ZW10: variants seen among roughly 807,000 people sequenced by gnomAD.
ZW10 encodes the protein zw10 kinetochore protein.
ZW10 carries 53 observed loss-of-function variants against 87.8 expected under a neutral mutation model. That is an observed-to-expected ratio of 0.60 (90% CI 0.48 to 0.76). The LOEUF (loss-of-function observed/expected upper bound fraction) is 0.76, where lower values mean the gene tolerates loss of function less well. Among genes scored for constraint, ZW10 ranks in the 30% least tolerant of loss-of-function variants. ZW10 has a pLI of 0.00. For synonymous variants in ZW10, 312 were observed against 329.2 expected, an observed-to-expected ratio of 0.95 and a Z score of 0.57; for missense variants, 837 against 923.0, an observed-to-expected ratio of 0.91 and a Z score of 1.21.
intron 10 of ZW10, 78 bp from the exon 11 acceptor site, chr11:113,741,843 C>T (rs1468290893): frequency 1.0e-6 from 1 of 955,570 alleles, no homozygotes; most frequent in Non-Finnish European, 1.6e-6. Context: ...CTAAGTGCAT[C>T]TTCAGTGAGA....
At chr11:113,769,605 C>T (rs1953942802) in intron 1 of ZW10, 1 of 220,402 alleles carries the variant, frequency 4.5e-6, no homozygotes, top group African/African-American at 2.4e-5. Context: ...ATTATGGGTC[C>T]TTCTCTGGGG....
chr11:113,743,887 T>G lies in ZW10; in HGVS notation c.1426A>C (p.Thr476Pro). The change falls in exon 10 of 16, where the codon ACA becomes CCA. Residue 476 changes from threonine to proline, a missense_variant. Transcript: ENST00000200135. ...TLDQHSFSLP[T>P]CRISESVKKL... Reference sequence around the variant, plus strand: ...TTCACAGACTCACTGATACGGCATGTGGGCAAGGAAAAGGAATGTTGGTCC... The same window carrying G: ...TTCACAGACTCACTGATACGGCATGGGGGCAAGGAAAAGGAATGTTGGTCC... 1.2e-6 allele frequency: 2 copies of G among 1,614,170 alleles called. No homozygotes were observed. The highest frequency in any genetic ancestry group is 2.2e-5 in the East Asian group (1 of 44,872).
chr11:113,736,476 GA>G, intron 15 of ZW10, 143 bp downstream of exon 15: 2 of 750,080 alleles, frequency 2.7e-6, no homozygotes, highest in Non-Finnish European at 4.5e-6. Context: ...GATAGATCAT[GA>G]AAAGGCCCCA....
intron 1 of ZW10, 94 bp downstream of exon 1, chr11:113,773,468 C>T: frequency 9.5e-7 from 1 of 1,057,134 alleles, no homozygotes; most frequent in South Asian, 1.4e-5. Flanking sequence ...GGTCCCCACT[C>T]TGTCTGCCCT....
rs757829146 is a variant in ZW10 at position 113,741,778 on chromosome 11, CAT to C, written c.1512-15_1512-14del. ...AAGTTGAACAGCACTAAAAAGAAAA[CAT>C]AGACTTAACAGAAATGCCTAAGAAT... On this transcript the variant is annotated splice_polypyrimidine_tract_variant and intron_variant, in intron 10 of 15. Transcript: ENST00000200135. 3.8e-6 allele frequency: 6 copies of C among 1,585,884 alleles called. No individual in the cohort carries two copies. The highest frequency in any genetic ancestry group is 1.8e-5 in the Admixed American group (1 of 56,186).
rs1458969239 is a variant in ZW10, at chr11:113,768,926, G to A, written c.147C>T (p.Phe49=). The part of the protein sequence containing the change: ...CNMISKKYSE[F]LPSMQSAQGL... ...CCTGCGCGCTCTGCATGCTAGGCAG[G>A]AATTCACTGTACTTCTTGCTAATCA... Residue 49 remains phenylalanine (F), a synonymous_variant, in exon 2 of 16, where the codon TTC becomes TTT. Coordinates refer to ENST00000200135, the MANE Select transcript of ZW10 (RefSeq NM_004724.4). 2 of 1,614,104 alleles carry A rather than the reference G, an allele frequency of 1.2e-6. No homozygotes were observed. The highest frequency in any genetic ancestry group is 8.5e-7 in the Non-Finnish European group (1 of 1,180,004).
At chr11:113,757,105 C>T (rs1459260442) in intron 7 of ZW10, among the ~76,000 whole-genome samples, 1 of 143,890 alleles carries the variant, frequency 6.9e-6, no homozygotes, top group Non-Finnish European at 1.5e-5. Context: ...ATCAAATAGA[C>T]TTAAAAAAAA....
intron 7 of ZW10, among the ~76,000 whole-genome samples, chr11:113,750,308 CTTT>C (rs111295027): frequency 6.9e-6 from 1 of 144,744 alleles, no homozygotes; most frequent in African/African-American, 2.5e-5. Context: ...CATTTTTTTT[CTTT>C]TTTTTTTTTG....
At chr11:113,772,193 G>T (rs1953974237) in intron 1 of ZW10, among the ~76,000 whole-genome samples, 1 of 152,202 alleles carries the variant, frequency 6.6e-6, no homozygotes, top group Admixed American at 6.5e-5. Flanking sequence ...TCAATTGGCT[G>T]AAGATTCAAG....
At chr11:113,746,857 G>T (rs1304404630) in intron 9 of ZW10, among the ~76,000 whole-genome samples, 1 of 152,116 alleles carries the variant, frequency 6.6e-6, no homozygotes, top group Non-Finnish European at 1.5e-5. Flanking sequence ...AGAGGCAATA[G>T]GAGGCAGATC....
intron 10 of ZW10, 141 bp downstream of exon 10, chr11:113,743,651 TTTTTGTTTTG>T (rs572653289): frequency 1.5e-6 from 1 of 687,998 alleles, no homozygotes; most frequent in Non-Finnish European, 2.5e-6. Context: ...ATGCACTGGG[TTTTTGTTTTG>T]TTTTGTTTTG....
chr11:113,752,361 C>T (rs1953742481), intron 7 of ZW10, among the ~76,000 whole-genome samples: 1 of 152,220 alleles, frequency 6.6e-6, no homozygotes, highest in South Asian at 2.1e-4. Flanking sequence ...TACGTTGAAG[C>T]CCTAGCCCCC....
intron 7 of ZW10, chr11:113,751,122 C>A: frequency 4.7e-6 from 1 of 211,570 alleles, no homozygotes; most frequent in South Asian, 8.5e-5. Flanking sequence ...TCACTTAGTC[C>A]AACTTAATGA....
At chr11:113,758,972 A>G (rs1953829086) in intron 5 of ZW10, among the ~76,000 whole-genome samples, 1 of 152,148 alleles carries the variant, frequency 6.6e-6, no homozygotes, top group African/African-American at 2.4e-5. Context: ...CCAGGAGTTC[A>G]AGACCAGCCT....
At chr11:113,758,960 G>T (rs1472447424) in intron 5 of ZW10, among the ~76,000 whole-genome samples, 1 of 152,088 alleles carries the variant, frequency 6.6e-6, no homozygotes, top group African/African-American at 2.4e-5. Context: ...GATCACTTGA[G>T]CCCAGGAGTT....
Position 113,749,191 on chromosome 11 carries a change from C to T in ZW10, c.926-771G>A, listed in dbSNP as rs573349144. Among the ~76,000 whole-genome samples the T allele has an allele frequency of 4.6e-5, 7 of 152,194 alleles. No homozygotes were observed. In the South Asian group the frequency reaches 1.2e-3, roughly 27 times the overall value. ...TCAAGTCTCTTTAAACACAAACACA[C>T]ACACACACACACACGCCTTAGAAGA... is the stretch of plus-strand genomic sequence containing the variant. On this transcript the variant is annotated intron_variant, in intron 7 of 15. Coordinates refer to ENST00000200135, the MANE Select transcript of ZW10 (RefSeq NM_004724.4).
chr11:113,757,375 C>T (rs1171947967), intron 7 of ZW10, among the ~76,000 whole-genome samples: 1 of 152,180 alleles, frequency 6.6e-6, no homozygotes, highest in Non-Finnish European at 1.5e-5. Context: ...TGTGACGGTA[C>T]TGGGAGTCCA....
In ZW10 at chr11:113,761,453, T is replaced by C. The variant is rs184919438; in HGVS notation, c.241-535A>G. Among the ~76,000 whole-genome samples the C allele has an allele frequency of 1.8e-4, 28 of 152,256 alleles. No individual in the cohort carries two copies. The East Asian group carries it at 4.6e-3, about 25-fold the overall frequency. The stretch of plus-strand genomic sequence containing the variant: ...CACCACCACACCTGTCTAATTTTTG[T>C]ATTTTTTGATAGAGATGGAGTTCTG... On this transcript the variant is annotated intron_variant, in intron 2 of 15. Transcript: ENST00000200135.
At chr11:113,749,787 C>A (rs1450827507) in intron 7 of ZW10, among the ~76,000 whole-genome samples, 1 of 152,184 alleles carries the variant, frequency 6.6e-6, no homozygotes, top group Non-Finnish European at 1.5e-5. Context: ...CATTTAACTG[C>A]AACTACTGCA....
Sources: gnomAD v4.1 joint callset for allele counts (sites outside exome capture counted in the v4.1 genomes callset) on GRCh38, gnomAD v4.1.1 for gene constraint, MANE v1.5 for transcripts, NCBI Gene and HGNC (gene_info 2026-07-23, HGNC 2026-07-21) for gene names.